The following CRACD variants were observed in gnomAD, a reference collection of about 807,000 sequenced individuals.
CRACD encodes capping protein inhibiting regulator of actin dynamics.
In CRACD, 56 loss-of-function variants were observed where a neutral mutation model predicts 106.8. The observed-to-expected ratio is 0.52, with a 90% CI of 0.42 to 0.66. CRACD has a LOEUF of 0.66. CRACD is among the 30% of genes least tolerant of loss of function. The probability of loss-of-function intolerance (pLI) is 0.00; values close to 1 mark genes in which losing one functional copy is unlikely to be tolerated. For missense variants in CRACD, 1,730 were observed against 1,623.2 expected, an observed-to-expected ratio of 1.07 and a Z score of -1.13; for synonymous variants, 754 against 670.8, an observed-to-expected ratio of 1.12 and a Z score of -1.92.
chr4:56,168,644 A>T (rs1252981738), intron 1 of CRACD, among the ~76,000 whole-genome samples: 1 of 149,722 alleles, frequency 6.7e-6, no homozygotes, highest in East Asian at 1.9e-4. Flanking sequence ...GATATATATA[A>T]TATTATCTGC....
At chr4:56,141,763 A>G (rs1735209515) in intron 1 of CRACD, among the ~76,000 whole-genome samples, 1 of 132,036 alleles carries the variant, frequency 7.6e-6, no homozygotes, top group Admixed American at 9.0e-5. Flanking sequence ...CCATGATCGC[A>G]GCTCACTGCA....
intron 1 of CRACD, among the ~76,000 whole-genome samples, chr4:56,148,271 TG>T (rs1421238889): frequency 3.9e-5 from 2 of 50,694 alleles, no homozygotes; most frequent in East Asian, 7.1e-4. Flanking sequence ...GTGCTTTTGT[TG>T]TTTTTTTTTT....
chr4:56,312,015 C>T (rs1745189903), intron 6 of CRACD, among the ~76,000 whole-genome samples: 1 of 152,098 alleles, frequency 6.6e-6, no homozygotes, highest in African/African-American at 2.4e-5. Context: ...TATTCTAGAG[C>T]TGCAGGCCAT....
At chr4:56,089,241 T>TA (rs1182864991) in intron 1 of CRACD, among the ~76,000 whole-genome samples, 1 of 152,250 alleles carries the variant, frequency 6.6e-6, no homozygotes, top group Admixed American at 6.5e-5. Context: ...GTCACTTTGT[T>TA]AGTGAAAGCT....
chr4:56,136,950 G>T (rs1476323560), intron 1 of CRACD, among the ~76,000 whole-genome samples: 1 of 152,188 alleles, frequency 6.6e-6, no homozygotes, highest in Non-Finnish European at 1.5e-5. Flanking sequence ...TATGGATTGA[G>T]CAAGGTTTAT....
chr4:56,277,419 C>G (rs1742735433), intron 3 of CRACD, among the ~76,000 whole-genome samples: 3 of 149,934 alleles, frequency 2.0e-5, no homozygotes, highest in Non-Finnish European at 4.4e-5. Context: ...TGCAGAAAAA[C>G]TATTTGACAA....
At chr4:56,177,207 A>G (rs1033184364) in intron 1 of CRACD, among the ~76,000 whole-genome samples, 1 of 152,258 alleles carries the variant, frequency 6.6e-6, no homozygotes, top group South Asian at 2.1e-4. Flanking sequence ...GTTTTGTCAT[A>G]CACGGACTTT....
intron 1 of CRACD, among the ~76,000 whole-genome samples, chr4:56,082,847 T>C (rs1733081668): frequency 6.6e-6 from 1 of 151,458 alleles, no homozygotes; most frequent in Non-Finnish European, 1.5e-5. Flanking sequence ...AAAAAAAAAG[T>C]ATTATAAATG....
At chr4:56,178,355 A>G (rs1736673397) in intron 1 of CRACD, among the ~76,000 whole-genome samples, 1 of 152,108 alleles carries the variant, frequency 6.6e-6, no homozygotes, top group African/African-American at 2.4e-5. Flanking sequence ...GTGCCTCCTA[A>G]AAAACCAGTG....
At chr4:56,319,236 T>A (rs1473409844) in intron 8 of CRACD, among the ~76,000 whole-genome samples, 2 of 152,088 alleles carry the variant, frequency 1.3e-5, no homozygotes, top group Non-Finnish European at 2.9e-5. Context: ...TCTTTAAACA[T>A]ACCATTTGTT....
intron 1 of CRACD, among the ~76,000 whole-genome samples, chr4:56,076,385 T>C (rs1483549307): frequency 6.6e-6 from 1 of 152,244 alleles, no homozygotes; most frequent in African/African-American, 2.4e-5. Flanking sequence ...TGAGGAGCAC[T>C]GAAGTAGAGT....
At chr4:56,080,413 A>C (rs1371690000) in intron 1 of CRACD, among the ~76,000 whole-genome samples, 1 of 152,238 alleles carries the variant, frequency 6.6e-6, no homozygotes, top group Admixed American at 6.5e-5. Flanking sequence ...ACAATCAGAT[A>C]TTAAATTGCA....
intron 2 of CRACD, among the ~76,000 whole-genome samples, chr4:56,238,988 G>A (rs1303513550): frequency 6.6e-6 from 1 of 152,152 alleles, no homozygotes; most frequent in Non-Finnish European, 1.5e-5. Context: ...CTAAACTTAT[G>A]TAAAGATTAC....
chr4:56,053,151 C>T (rs532580964), intron 1 of CRACD, among the ~76,000 whole-genome samples: 3 of 152,240 alleles, frequency 2.0e-5, no homozygotes, highest in East Asian at 1.9e-4. Context: ...GACTTCATTA[C>T]GAATGAATGT....
intron 1 of CRACD, among the ~76,000 whole-genome samples, chr4:56,070,452 AT>A: frequency 6.6e-6 from 1 of 152,224 alleles, no homozygotes; most frequent in Admixed American, 6.5e-5. Flanking sequence ...GGCGCCCGCC[AT>A]CGCATCCGGC....
intron 1 of CRACD, among the ~76,000 whole-genome samples, chr4:56,104,640 C>T (rs1012802332): frequency 1.3e-5 from 2 of 152,128 alleles, no homozygotes; most frequent in African/African-American, 4.8e-5. Context: ...CTGTGCTTTC[C>T]CTGAAAGCAG....
chr4:56,244,694 C>T (rs1056221535), intron 2 of CRACD, among the ~76,000 whole-genome samples: 3 of 152,230 alleles, frequency 2.0e-5, no homozygotes, highest in Non-Finnish European at 4.4e-5. Flanking sequence ...CCATACCACC[C>T]TACAGTCCAT....
At chr4:56,300,712 A>T (rs1175665143) in intron 4 of CRACD, among the ~76,000 whole-genome samples, 3 of 152,162 alleles carry the variant, frequency 2.0e-5, no homozygotes, top group Non-Finnish European at 4.4e-5. Context: ...ATCAGATAAA[A>T]ATCTCTTGTC....
At chr4:56,122,237 T>C (rs1210291435) in intron 1 of CRACD, among the ~76,000 whole-genome samples, 1 of 149,948 alleles carries the variant, frequency 6.7e-6, no homozygotes, top group Non-Finnish European at 1.5e-5. Context: ...ATACTAAATT[T>C]ATTAAACAAG....
Sources: allele counts gnomAD v4.1 joint callset (sites outside exome capture counted in the v4.1 genomes callset), GRCh38; gene constraint gnomAD v4.1.1; transcripts MANE v1.5; gene names NCBI Gene and HGNC (gene_info 2026-07-23, HGNC 2026-07-21).